DRC7: variants seen among roughly 807,000 people sequenced by gnomAD.
The protein encoded by DRC7 is coiled-coil domain containing 135.
Under a neutral mutation model 104.4 loss-of-function variants are expected in DRC7, and 80 were observed. That is an observed-to-expected ratio of 0.77 (90% CI 0.64 to 0.92). DRC7 has a LOEUF of 0.92. Ranked by LOEUF, DRC7 falls within the 40% of genes least tolerant of loss-of-function variation. The probability of loss-of-function intolerance (pLI) is 0.00; values close to 1 mark genes in which losing one functional copy is unlikely to be tolerated. For missense variants in DRC7, 1,034 were observed against 1,141.1 expected (o/e 0.91, Z 1.35); for synonymous variants, 405 against 447.3 (o/e 0.91, Z 1.19).
intron 5 of DRC7, 99 bp downstream of exon 5, chr16:57,700,369 C>CTGGAGAG: frequency 6.9e-7 from 1 of 1,453,628 alleles, no homozygotes. Context: ...GACTTAGAGG[C>CTGGAGAG]CGGGCGTGGT....
intron 13 of DRC7, among the ~76,000 whole-genome samples, chr16:57,725,146 G>C (rs1410127916): frequency 7.0e-6 from 1 of 143,578 alleles, no homozygotes; most frequent in Non-Finnish European, 1.5e-5. Context: ...TAGTGAAAAG[G>C]GTCCTTTCCA....
intron 4 of DRC7, among the ~76,000 whole-genome samples, chr16:57,699,646 C>T (rs907300417): frequency 6.6e-6 from 1 of 152,124 alleles, no homozygotes; most frequent in African/African-American, 2.4e-5. Context: ...CTGTACTGGT[C>T]GCCAGCTGGC....
chr16:57,723,947 C>T (rs1426555851), intron 12 of DRC7, among the ~76,000 whole-genome samples: 2 of 152,106 alleles, frequency 1.3e-5, no homozygotes, highest in African/African-American at 2.4e-5. Flanking sequence ...GCAACAGTCA[C>T]TCTGTGTCAC....
At chr16:57,726,032 T>A (rs780152800) in intron 13 of DRC7, 36 bp from the exon 14 acceptor site, 1 of 1,573,790 alleles carries the variant, frequency 6.4e-7, no homozygotes, top group Admixed American at 1.7e-5. Flanking sequence ...CACACGCTCA[T>A]CCTTTGCTCA....
chr16:57,721,563 A>G (rs1256001920), intron 9 of DRC7, 104 bp from the exon 10 acceptor site: 2 of 822,572 alleles, frequency 2.4e-6, no homozygotes, highest in Non-Finnish European at 2.0e-6. Flanking sequence ...AAGCCAACGG[A>G]CCACCTTGGC....
chr16:57,707,070 T>G (rs1354922781), intron 7 of DRC7, among the ~76,000 whole-genome samples: 2 of 152,204 alleles, frequency 1.3e-5, no homozygotes, highest in Admixed American at 6.5e-5. Flanking sequence ...TCCAGACCTA[T>G]TTATACATAA....
At chr16:57,716,735 G>A (rs17240931) in intron 8 of DRC7, among the ~76,000 whole-genome samples, 4,715 of 152,182 alleles carry the variant, frequency 0.031, 116 homozygotes, top group Non-Finnish European at 0.052. Flanking sequence ...CTTAGAGTTG[G>A]CTTCAGGACA....
At position 57,714,844 on chromosome 16, in the gene DRC7, A is replaced by C. The variant is rs774261205; in HGVS notation, c.1078-3503A>C. The C allele has an allele frequency of 1.2e-5, 4 of 347,358 alleles. No individual in the cohort carries two copies. The East Asian group carries it at 3.5e-4, about 31-fold the overall frequency. 21.5% of individuals were successfully genotyped at this position (347,358 alleles called of 1,614,324 possible). A position where few individuals can be genotyped will look rare whatever the true frequency, so the allele number is the denominator to read the frequency against. ...TTCCTTCCCAGTATATACTACTTGCATACATTGCTGGTGCATGCTACAAAA... is the reference window on the plus strand; with the variant it reads ...TTCCTTCCCAGTATATACTACTTGCCTACATTGCTGGTGCATGCTACAAAA... On this transcript the variant is annotated intron_variant, in intron 8 of 18. Coordinates refer to ENST00000360716, the MANE Select transcript of DRC7 (RefSeq NM_001289162.2).
intron 11 of DRC7, 75 bp downstream of exon 11, chr16:57,722,916 T>C (rs2048920007): frequency 3.1e-6 from 5 of 1,612,390 alleles, no homozygotes. Flanking sequence ...TCTGGGGTCA[T>C]TGCTGGCCTC....
In DRC7 at chr16:57,715,467, C is replaced by T. The variant is rs576795486; in HGVS notation, c.1078-2880C>T. Reference sequence around the variant, plus strand: ...GCAGACTTGATGCATGATTGCTTTGCCGGTTGCTCTGTCTTTGTGAAGAAG... The same window carrying T: ...GCAGACTTGATGCATGATTGCTTTGTCGGTTGCTCTGTCTTTGTGAAGAAG... On this transcript the variant is annotated intron_variant, in intron 8 of 18. Transcript: ENST00000360716. Among the ~76,000 whole-genome samples the T allele has an allele frequency of 2.6e-5, 4 of 152,182 alleles. No individual in the cohort carries two copies. In the South Asian group the frequency reaches 8.3e-4, roughly 31 times the overall value.
chr16:57,722,469 C>A (rs1248408238), intron 10 of DRC7, among the ~76,000 whole-genome samples: 2 of 152,094 alleles, frequency 1.3e-5, no homozygotes, highest in African/African-American at 4.8e-5. Context: ...GGCTGCAGGG[C>A]AGACCCTCTG....
chr16:57,729,534 G>GGA, intron 17 of DRC7, among the ~76,000 whole-genome samples: 1 of 100,238 alleles, frequency 1.0e-5, no homozygotes, highest in Non-Finnish European at 2.1e-5. Flanking sequence ...GGATGGATGG[G>GGA]TGAGTGAGTG....
rs527853364 is a variant in DRC7, at chr16:57,722,207, G to A, written c.1279+468G>A. On this transcript the variant is annotated intron_variant, in intron 10 of 18. Transcript: ENST00000360716. The stretch of plus-strand genomic sequence containing the variant: ...GCACCCAGACCTATGGGGAGGGCAT[G>A]GGCCACTTCAACAGGGTGGGAAGTG... Among the ~76,000 whole-genome samples, 3 of 152,294 alleles carry A rather than the reference G, an allele frequency of 2.0e-5. No homozygotes were observed. In the South Asian group the frequency reaches 6.2e-4, roughly 32 times the overall value.
intron 8 of DRC7, chr16:57,713,661 T>C (rs1171996725): frequency 6.6e-6 from 1 of 152,388 alleles, no homozygotes. Flanking sequence ...ATCAGTGCTC[T>C]TTCGTTGTCT....
chr16:57,722,591 G>C, intron 10 of DRC7, 122 bp from the exon 11 acceptor site: 1 of 1,354,682 alleles, frequency 7.4e-7, no homozygotes, highest in South Asian at 1.3e-5. Context: ...CCTGGATCAG[G>C]CTTGGGGCTG....
chr16:57,699,116 G>A (rs551275706), intron 4 of DRC7, 92 bp downstream of exon 4: 62 of 1,466,486 alleles, frequency 4.2e-5, no homozygotes, highest in Admixed American at 5.9e-5. Context: ...AAGGTCACTG[G>A]GCCAAATCAC....
Position 57,707,524 on chromosome 16 carries a change from T to C in DRC7, c.923T>C (p.Leu308Pro). The C allele has an allele frequency of 2.5e-6, 4 of 1,613,500 alleles. No homozygotes were observed. The highest frequency in any genetic ancestry group is 3.4e-6 in the Non-Finnish European group (4 of 1,180,020). ...GLRVHSWVLV[L>P]SGKREVPENF... Reference sequence around the variant, plus strand: ...CGGGTGCACTCCTGGGTCCTTGTGCTATCGGGGAAGCGCGAGGTGCCTGAG... The same window carrying C: ...CGGGTGCACTCCTGGGTCCTTGTGCCATCGGGGAAGCGCGAGGTGCCTGAG... The change falls in exon 8 of 19, where the codon CTA (leucine) becomes CCA (proline). Residue 308 changes from leucine (L) to proline (P), a missense_variant. Coordinates refer to ENST00000360716, the MANE Select transcript of DRC7 (RefSeq NM_001289162.2).
intron 13 of DRC7, 113 bp from the exon 14 acceptor site, chr16:57,725,955 G>T: frequency 1.1e-6 from 1 of 904,958 alleles, no homozygotes. Context: ...ATCGCCAAAC[G>T]ACCCCAGACT....
At chr16:57,721,140 TG>T (rs1376665789) in intron 9 of DRC7, among the ~76,000 whole-genome samples, 1 of 152,088 alleles carries the variant, frequency 6.6e-6, no homozygotes, top group African/African-American at 2.4e-5. Context: ...CACTTGAACC[TG>T]GGAGACGGAG....
Sources: allele counts gnomAD v4.1 joint callset (sites outside exome capture counted in the v4.1 genomes callset), GRCh38; gene constraint gnomAD v4.1.1; transcripts MANE v1.5; gene names NCBI Gene and HGNC (gene_info 2026-07-23, HGNC 2026-07-21).